Variants in NEDD4L observed in about 807,000 individuals in gnomAD.
The protein encoded by NEDD4L is NEDD4 like E3 ubiquitin protein ligase.
A neutral mutation model predicts 148.9 loss-of-function variants in NEDD4L; 54 were observed. The ratio of observed to expected loss-of-function variants is 0.36; its 90% confidence interval spans 0.29 to 0.45. The LOEUF (loss-of-function observed/expected upper bound fraction) is 0.45, where lower values mean the gene tolerates loss of function less well. NEDD4L is among the 20% of genes least tolerant of loss of function. The probability of loss-of-function intolerance (pLI) is 1.00; values close to 1 mark genes in which losing one functional copy is unlikely to be tolerated. For synonymous variants in NEDD4L, 433 were observed against 440.7 expected, an observed-to-expected ratio of 0.98 and a Z score of 0.22; for missense variants, 856 against 1,233.8, an observed-to-expected ratio of 0.69 and a Z score of 4.59.
chr18:58,167,449 C>CTT (rs776548842), intron 2 of NEDD4L, among the ~76,000 whole-genome samples: 12 of 152,232 alleles, frequency 7.9e-5, no homozygotes, highest in Non-Finnish European at 1.5e-4. Context: ...CAAAGCCCAC[C>CTT]TTATGCCCTG....
At chr18:58,109,722 C>T (rs1196939629) in intron 1 of NEDD4L, among the ~76,000 whole-genome samples, 1 of 151,940 alleles carries the variant, frequency 6.6e-6, no homozygotes, top group Non-Finnish European at 1.5e-5. Flanking sequence ...AGGTGCCCCC[C>T]ACCACACCTG....
chr18:58,209,912 A>G (rs1186389560), intron 2 of NEDD4L, among the ~76,000 whole-genome samples: 2 of 152,164 alleles, frequency 1.3e-5, no homozygotes, highest in Non-Finnish European at 2.9e-5. Context: ...CACACCTGTA[A>G]TTCTAGCACT....
At chr18:58,052,967 A>T (rs1248468652) in intron 1 of NEDD4L, among the ~76,000 whole-genome samples, 1 of 152,166 alleles carries the variant, frequency 6.6e-6, no homozygotes, top group Non-Finnish European at 1.5e-5. Context: ...CTTTGTCTCA[A>T]AAAAAAGCTG....
chr18:58,307,767 G>T (rs2057238319), intron 5 of NEDD4L, among the ~76,000 whole-genome samples: 1 of 152,172 alleles, frequency 6.6e-6, no homozygotes. Context: ...AACTGGCATT[G>T]AACCCCTGGT....
intron 24 of NEDD4L, among the ~76,000 whole-genome samples, chr18:58,382,008 C>T (rs545967492): frequency 1.3e-5 from 2 of 152,306 alleles, no homozygotes; most frequent in African/African-American, 4.8e-5. Context: ...GATTAAAATT[C>T]ACATTGGGCA....
intron 1 of NEDD4L, among the ~76,000 whole-genome samples, chr18:58,075,897 C>A (rs1173435980): frequency 6.6e-6 from 1 of 152,094 alleles, no homozygotes; most frequent in African/African-American, 2.4e-5. Flanking sequence ...CCACGGCACT[C>A]CAGCGTGAGT....
rs1201553911 is a variant in NEDD4L, at chr18:58,315,972, T to C, written c.298-10T>C. 1 of 1,610,910 alleles carries C rather than the reference T, an allele frequency of 6.2e-7. No homozygotes were observed. The highest frequency in any genetic ancestry group is 1.1e-5 in the South Asian group (1 of 91,026). On this transcript the variant is annotated splice_polypyrimidine_tract_variant and intron_variant, in intron 5 of 30. Coordinates refer to ENST00000400345, the MANE Select transcript of NEDD4L (RefSeq NM_001144967.3). ...ATGGAAACACTAACTCTTTGTTCTCTTCCTAACAGACACGAGACGACTTCC... is the reference window on the plus strand; with the variant it reads ...ATGGAAACACTAACTCTTTGTTCTCCTCCTAACAGACACGAGACGACTTCC...
chr18:58,097,140 G>C (rs1416415770), intron 1 of NEDD4L, among the ~76,000 whole-genome samples: 2 of 152,134 alleles, frequency 1.3e-5, no homozygotes, highest in African/African-American at 4.8e-5. Context: ...AGATTGTTTT[G>C]TTCGCAAGAC....
intron 2 of NEDD4L, among the ~76,000 whole-genome samples, chr18:58,216,368 G>T (rs543949927): frequency 1.3e-5 from 2 of 152,256 alleles, no homozygotes; most frequent in African/African-American, 4.8e-5. Context: ...CCTGCTTAAG[G>T]TTGTAGTAAG....
intron 1 of NEDD4L, chr18:58,149,530 T>C: frequency 1.3e-6 from 2 of 1,551,370 alleles, no homozygotes; most frequent in South Asian, 2.4e-5. Context: ...TATTGTATTC[T>C]CCTAAATGAG....
chr18:58,392,253 T>G (rs546214479), intron 30 of NEDD4L, among the ~76,000 whole-genome samples: 4 of 152,234 alleles, frequency 2.6e-5, no homozygotes, highest in Non-Finnish European at 5.9e-5. Flanking sequence ...GTGTTGGTTT[T>G]TCTGCAAAGG....
intron 1 of NEDD4L, among the ~76,000 whole-genome samples, chr18:58,117,858 T>A (rs528615700): frequency 2.0e-4 from 31 of 152,330 alleles, no homozygotes; most frequent in Admixed American, 1.7e-3. Flanking sequence ...GTGTATAGAA[T>A]GTTTCCCGTC....
At chr18:58,301,980 G>A (rs957414441) in intron 5 of NEDD4L, among the ~76,000 whole-genome samples, 6 of 152,122 alleles carry the variant, frequency 3.9e-5, no homozygotes, top group Admixed American at 6.5e-5. Flanking sequence ...CCCCTGCCCC[G>A]GTGATAGGGG....
intron 1 of NEDD4L, among the ~76,000 whole-genome samples, chr18:58,162,790 G>T (rs567587459): frequency 2.0e-5 from 3 of 151,664 alleles, no homozygotes; most frequent in Non-Finnish European, 4.4e-5. Context: ...GCAGCCGGGC[G>T]CAGTGGCTCA....
At chr18:58,378,487 G>T (rs925390639) in intron 24 of NEDD4L, among the ~76,000 whole-genome samples, 1 of 152,210 alleles carries the variant, frequency 6.6e-6, no homozygotes, top group Non-Finnish European at 1.5e-5. Flanking sequence ...TCCCAGGAGC[G>T]CTGAGGCCCC....
intron 22 of NEDD4L, 143 bp from the exon 23 acceptor site, chr18:58,370,254 C>A: frequency 1.6e-6 from 1 of 636,302 alleles, no homozygotes. Flanking sequence ...CGCCTCCTCG[C>A]TTGTGCAATA....
chr18:58,380,243 A>T (rs1372628600), intron 24 of NEDD4L, among the ~76,000 whole-genome samples: 2 of 145,296 alleles, frequency 1.4e-5, no homozygotes, highest in African/African-American at 5.0e-5. Flanking sequence ...CACAAAACAG[A>T]TTTTTTTTTT....
intron 1 of NEDD4L, among the ~76,000 whole-genome samples, chr18:58,142,881 C>T (rs1414312141): frequency 6.6e-6 from 1 of 151,988 alleles, no homozygotes; most frequent in Non-Finnish European, 1.5e-5. Context: ...GTCTTTATCT[C>T]AGATGTTTGT....
At chr18:58,165,762 C>T (rs1188108522) in intron 1 of NEDD4L, 26 bp from the exon 2 acceptor site, 1 of 1,597,684 alleles carries the variant, frequency 6.3e-7, no homozygotes, top group Non-Finnish European at 8.6e-7. Flanking sequence ...GGTTTTTAAC[C>T]TCTTTTTTTG....
Sources: allele counts gnomAD v4.1 joint callset (sites outside exome capture counted in the v4.1 genomes callset), GRCh38; gene constraint gnomAD v4.1.1; transcripts MANE v1.5; gene names NCBI Gene and HGNC (gene_info 2026-07-23, HGNC 2026-07-21).